Variants in PEA15 observed in about 807,000 individuals in gnomAD.
PEA15 encodes astrocytic phosphoprotein PEA-15.
For synonymous variants in PEA15, 60 were observed against 61.8 expected, an observed-to-expected ratio of 0.97 and a Z score of 0.13; for missense variants, 77 against 161.3, an observed-to-expected ratio of 0.48 and a Z score of 2.83.
chr1:160,208,520 G>A lies in PEA15; in HGVS notation c.-3+2998G>A, dbSNP rs929127545. ...CTGAGCAGCTCTCTGCACTGCTCCA[G>A]AAATCAGGAGGATTTTTCAGAGCCC... is the stretch of plus-strand genomic sequence containing the variant. On this transcript the variant is annotated intron_variant, in intron 1 of 3. Transcript: ENST00000360472. This position sits in a 1 kb window ranked among gnomAD's most constrained non-coding sequence, Gnocchi z 4.1. 4 of 1,295,410 alleles carry A rather than the reference G, an allele frequency of 3.1e-6. No homozygotes were observed. Among genetic ancestry groups the A allele is most frequent in the Non-Finnish European group, 4.4e-6 (4 of 916,584 alleles). The allele number at this position is 1,295,410 out of a possible 1,614,324, so 80.2% of individuals were successfully genotyped here.
chr1:160,208,618 G>A lies in PEA15; in HGVS notation c.-2-2925G>A, dbSNP rs766108374. ...GAGGAAAGTGACATGGAGGATGAAG[G>A]AAACAAGCTCTGCCAAGCCCCACCA... On this transcript the variant is annotated intron_variant, in intron 1 of 3. Coordinates refer to ENST00000360472, the MANE Select transcript of PEA15 (RefSeq NM_003768.5). This position sits in a 1 kb window ranked among gnomAD's most constrained non-coding sequence, Gnocchi z 4.1. 167 of 1,550,546 alleles carry A rather than the reference G, an allele frequency of 1.1e-4. No individual in the cohort carries two copies. The Middle Eastern group carries it at 2.2e-3, about 20-fold the overall frequency.
intron 1 of PEA15, among the ~76,000 whole-genome samples, chr1:160,207,951 T>C (rs1475282682): frequency 6.6e-6 from 1 of 152,190 alleles, no homozygotes; most frequent in Non-Finnish European, 1.5e-5. Context: ...CTGTCTGGGA[T>C]GGCCCCTCCC....
At chr1:160,207,422 A>G (rs1041437364) in intron 1 of PEA15, among the ~76,000 whole-genome samples, 8 of 152,130 alleles carry the variant, frequency 5.3e-5, no homozygotes, top group African/African-American at 1.9e-4. Flanking sequence ...CCTAGGCCCC[A>G]TTCCCCTCCT....
intron 1 of PEA15, among the ~76,000 whole-genome samples, chr1:160,210,438 A>G (rs759730112): frequency 4.1e-4 from 63 of 152,254 alleles, no homozygotes; most frequent in Non-Finnish European, 1.5e-4. Flanking sequence ...GTCACATTTT[A>G]TCAAATCCAG....
At chr1:160,211,947 T>C (rs1654891061) in intron 2 of PEA15, among the ~76,000 whole-genome samples, 1 of 152,062 alleles carries the variant, frequency 6.6e-6, no homozygotes, top group African/African-American at 2.4e-5. Flanking sequence ...CAACAGAACA[T>C]AAAAACAATC....
intron 1 of PEA15, chr1:160,206,210 ACT>A (rs1654581222): frequency 6.6e-6 from 1 of 151,310 alleles, no homozygotes. Flanking sequence ...CCACACCCCC[ACT>A]CTGTGGGGTG....
chr1:160,208,319 C>A lies in PEA15; in HGVS notation c.-3+2797C>A. 2.2e-6 allele frequency: 1 copy of A among 449,534 alleles called. No homozygotes were observed. Among genetic ancestry groups the A allele is most frequent in the Non-Finnish European group, 4.1e-6 (1 of 244,086 alleles). The allele number at this position is 449,534 out of a possible 1,614,324, so 27.8% of individuals were successfully genotyped here. A position where few individuals can be genotyped will look rare whatever the true frequency, so the allele number is the denominator to read the frequency against. On this transcript the variant is annotated intron_variant, in intron 1 of 3. Transcript: ENST00000360472. This position sits in a 1 kb window ranked among gnomAD's most constrained non-coding sequence, Gnocchi z 4.1. ...ACCTTTGTCAGGGCTGTGCCTGGGG[C>A]CAGCTTGGAAGGAGAGGGAGGCAGG... is the stretch of plus-strand genomic sequence containing the variant.
rs1654694606 is a variant in PEA15 at position 160,208,363 on chromosome 1, G to A, written c.-3+2841G>A. On this transcript the variant is annotated intron_variant, in intron 1 of 3. Coordinates refer to ENST00000360472, the MANE Select transcript of PEA15 (RefSeq NM_003768.5). The surrounding 1 kb of genome is among the most constrained non-coding windows in gnomAD (Gnocchi z 4.1). ...AGGCAGGAAGGAAGGAAGGTGTGAG[G>A]AAGCGGTGAGCCTAGCACAGAAAGC... 5.7e-6 allele frequency: 3 copies of A among 530,868 alleles called. No individual in the cohort carries two copies. Among genetic ancestry groups the A allele is most frequent in the Non-Finnish European group, 6.8e-6 (2 of 294,590 alleles). The allele number at this position is 530,868 out of a possible 1,614,324, so 32.9% of individuals were successfully genotyped here.
intron 1 of PEA15, among the ~76,000 whole-genome samples, chr1:160,209,546 C>G (rs1006270142): frequency 6.6e-6 from 1 of 152,078 alleles, no homozygotes; most frequent in African/African-American, 2.4e-5. Flanking sequence ...GACACACACA[C>G]AGATGCACTC....
chr1:160,215,307 C>CT lies in PEA15; in HGVS notation c.*1822dup, dbSNP rs1655063603. On this transcript the variant is annotated 3_prime_UTR_variant, in exon 4 of 4. Coordinates refer to ENST00000360472, the MANE Select transcript of PEA15 (RefSeq NM_003768.5). ...GCTGTGAGATTGCCCCTATCTTGTGCTCTTCTGTCTGCAGTGTGCACGGCC... is the reference window on the plus strand; with the variant it reads ...GCTGTGAGATTGCCCCTATCTTGTGCTTCTTCTGTCTGCAGTGTGCACGGCC... The CT allele has an allele frequency of 6.6e-6, 1 of 152,190 alleles. No individual in the cohort carries two copies. Among genetic ancestry groups the CT allele is most frequent in the African/African-American group, 2.4e-5 (1 of 41,436 alleles). 9.4% of individuals were successfully genotyped at this position (152,190 alleles called of 1,614,324 possible). A position where few individuals can be genotyped will look rare whatever the true frequency, so the allele number is the denominator to read the frequency against.
At chr1:160,211,957 C>A (rs1003606105) in intron 2 of PEA15, among the ~76,000 whole-genome samples, 3 of 152,048 alleles carry the variant, frequency 2.0e-5, no homozygotes, top group Non-Finnish European at 4.4e-5. Context: ...TAAAAACAAT[C>A]TAAAAATAGT....
chr1:160,208,116 G>C lies in PEA15; in HGVS notation c.-3+2594G>C, dbSNP rs1043210556. On this transcript the variant is annotated intron_variant, in intron 1 of 3. Coordinates refer to ENST00000360472, the MANE Select transcript of PEA15 (RefSeq NM_003768.5). The surrounding 1 kb of genome is among the most constrained non-coding windows in gnomAD (Gnocchi z 4.1). ...TGTCAAAATGCACAGAAATTCTTTT[G>C]GTGCTGCCACCTCCTCCACAGGTGG... is the stretch of plus-strand genomic sequence containing the variant. 4 of 153,760 alleles carry C rather than the reference G, an allele frequency of 2.6e-5. No homozygotes were observed. Among genetic ancestry groups the C allele is most frequent in the African/African-American group, 9.6e-5 (4 of 41,520 alleles). 9.5% of individuals were successfully genotyped at this position (153,760 alleles called of 1,614,324 possible). A position where few individuals can be genotyped will look rare whatever the true frequency, so the allele number is the denominator to read the frequency against.
rs754908588 is a variant in PEA15, at chr1:160,208,636, C to T, written c.-2-2907C>T. The T allele has an allele frequency of 6.6e-5, 103 of 1,550,390 alleles. 1 individual carries two copies. The East Asian group carries it at 2.5e-3, about 37-fold the overall frequency. On this transcript the variant is annotated intron_variant, in intron 1 of 3. Transcript: ENST00000360472. The surrounding 1 kb of genome is among the most constrained non-coding windows in gnomAD (Gnocchi z 4.1). ...GATGAAGGAAACAAGCTCTGCCAAG[C>T]CCCACCATGGCCAGGCCAGACCAGC...
rs780759926 is a variant in PEA15, at chr1:160,211,644, GAA to G, written c.103_104del (p.Lys35GlufsTer2). 1 of 1,614,102 alleles carries G rather than the reference GAA, an allele frequency of 6.2e-7. No individual in the cohort carries two copies. On this transcript the variant is annotated frameshift_variant, in exon 2 of 4. Transcript: ENST00000360472. LOFTEE classifies it high-confidence loss of function. ...GGCCTGCAAGGAAGACATCCCCAGC[GAA>G]AAGAGTGAGGAGATCACTACTGGCA... The part of the protein sequence containing the change: ...KSACKEDIPS[E>X]KSEEITTGSA...
chr1:160,207,208 A>C (rs1243929042), intron 1 of PEA15: 2 of 152,584 alleles, frequency 1.3e-5, no homozygotes, highest in Non-Finnish European at 2.9e-5. Context: ...AGGAGTCCTA[A>C]GTATTCATGG....
At position 160,213,541 on chromosome 1, in the gene PEA15, C is replaced by A; in HGVS notation, c.*55C>A. ...ACCTTCATCAGACCACTCCCTTCCC[C>A]CATCCTCCAGGAGAGGGGGCAAGGG... On this transcript the variant is annotated 3_prime_UTR_variant, in exon 4 of 4. Coordinates refer to ENST00000360472, the MANE Select transcript of PEA15 (RefSeq NM_003768.5). This position sits in a 1 kb window ranked among gnomAD's most constrained non-coding sequence, Gnocchi z 5.3. 1.3e-6 allele frequency: 2 copies of A among 1,536,222 alleles called. No homozygotes were observed. The highest frequency in any genetic ancestry group is 1.4e-5 in the African/African-American group (1 of 73,478).
chr1:160,214,462 C>T lies in PEA15; in HGVS notation c.*976C>T, dbSNP rs946585801. The T allele has an allele frequency of 1.6e-4, 24 of 152,762 alleles. No individual in the cohort carries two copies. Among genetic ancestry groups the T allele is most frequent in the African/African-American group, 5.8e-4 (24 of 41,538 alleles). 9.5% of individuals were successfully genotyped at this position (152,762 alleles called of 1,614,324 possible). On this transcript the variant is annotated 3_prime_UTR_variant, in exon 4 of 4. Transcript: ENST00000360472. Reference sequence around the variant, plus strand: ...CCCGGAAGGGACTTACTTAGGAAACCCTTCTTTACTAGATATCCTGGCCCC... The same window carrying T: ...CCCGGAAGGGACTTACTTAGGAAACTCTTCTTTACTAGATATCCTGGCCCC...
chr1:160,210,430 C>T (rs1401262420), intron 1 of PEA15, among the ~76,000 whole-genome samples: 2 of 152,230 alleles, frequency 1.3e-5, no homozygotes, highest in Non-Finnish European at 2.9e-5. Context: ...CCACTAGTGT[C>T]ACATTTTATC....
At position 160,213,605 on chromosome 1, in the gene PEA15, C is replaced by G. The variant is rs986919155; in HGVS notation, c.*119C>G. 3 of 819,248 alleles carry G rather than the reference C, an allele frequency of 3.7e-6. No individual in the cohort carries two copies. Among genetic ancestry groups the G allele is most frequent in the Non-Finnish European group, 6.1e-6 (3 of 489,186 alleles). The allele number at this position is 819,248 out of a possible 1,614,324, so 50.7% of individuals were successfully genotyped here. A position where few individuals can be genotyped will look rare whatever the true frequency, so the allele number is the denominator to read the frequency against. On this transcript the variant is annotated 3_prime_UTR_variant, in exon 4 of 4. Transcript: ENST00000360472. This position sits in a 1 kb window ranked among gnomAD's most constrained non-coding sequence, Gnocchi z 5.3. ...ACCCACTTACTAACCTGGTCCTAAC[C>G]CCCTTACTGTGCGCGTGTGTGTGCG... is the stretch of plus-strand genomic sequence containing the variant.
Sources: gnomAD v4.1 joint callset for allele counts (sites outside exome capture counted in the v4.1 genomes callset) on GRCh38, gnomAD v4.1.1 for gene constraint, Gnocchi (gnomAD v3.1) non-coding constraint, MANE v1.5 for transcripts, NCBI Gene and HGNC (gene_info 2026-07-23, HGNC 2026-07-21) for gene names.